Variants in RIT2 observed in about 807,000 individuals in gnomAD.
The protein encoded by RIT2 is GTP-binding protein Rit2.
RIT2 carries 24 observed loss-of-function variants against 23.7 expected under a neutral mutation model. The observed-to-expected ratio is 1.01, with a 90% CI of 0.73 to 1.43. The LOEUF (loss-of-function observed/expected upper bound fraction) is 1.43. RIT2 is among the 40% of genes most tolerant of loss of function. The pLI is 0.00. For synonymous variants in RIT2, 107 were observed against 91.1 expected, an observed-to-expected ratio of 1.17 and a Z score of -0.99; for missense variants, 236 against 266.9, an observed-to-expected ratio of 0.88 and a Z score of 0.81.
intron 1 of RIT2, among the ~76,000 whole-genome samples, chr18:43,084,785 G>A (rs1598776820): frequency 1.3e-5 from 2 of 152,224 alleles, no homozygotes; most frequent in African/African-American, 4.8e-5. Context: ...AATGCATGCA[G>A]GGCTTAAAAC....
intron 4 of RIT2, among the ~76,000 whole-genome samples, chr18:42,891,520 A>C (rs893599486): frequency 2.0e-5 from 3 of 152,168 alleles, no homozygotes; most frequent in Non-Finnish European, 4.4e-5. Flanking sequence ...GTAAATGCAT[A>C]AACAAACCAT....
chr18:42,906,563 T>C (rs184215986), intron 4 of RIT2, among the ~76,000 whole-genome samples: 2 of 152,272 alleles, frequency 1.3e-5, no homozygotes, highest in Admixed American at 6.5e-5. Flanking sequence ...GACACTCTGA[T>C]GATGCTTTTG....
chr18:43,036,226 T>G (rs1568062795), intron 1 of RIT2, among the ~76,000 whole-genome samples: 1 of 152,320 alleles, frequency 6.6e-6, no homozygotes, highest in South Asian at 2.1e-4. Flanking sequence ...AGTCAGGGAC[T>G]TACCTGTTAC....
chr18:42,786,042 G>A (rs754330751), intron 4 of RIT2, among the ~76,000 whole-genome samples: 3 of 152,130 alleles, frequency 2.0e-5, no homozygotes, highest in Non-Finnish European at 4.4e-5. Context: ...GAGTAGAACA[G>A]TAATTCACAG....
At chr18:43,024,211 C>A (rs908510268) in intron 2 of RIT2, among the ~76,000 whole-genome samples, 1 of 151,976 alleles carries the variant, frequency 6.6e-6, no homozygotes, top group Non-Finnish European at 1.5e-5. Flanking sequence ...AAAATAGACA[C>A]ATAGATCAAT....
At chr18:42,819,084 A>G (rs1906075689) in intron 4 of RIT2, among the ~76,000 whole-genome samples, 1 of 152,092 alleles carries the variant, frequency 6.6e-6, no homozygotes, top group Non-Finnish European at 1.5e-5. Context: ...AAATGAAGGC[A>G]GAGATGGTAA....
At chr18:42,986,385 T>C (rs1005638439) in intron 2 of RIT2, among the ~76,000 whole-genome samples, 4 of 151,976 alleles carry the variant, frequency 2.6e-5, no homozygotes, top group Non-Finnish European at 1.5e-5. Flanking sequence ...CAACCTCCAA[T>C]GAAGGGCAGG....
intron 4 of RIT2, among the ~76,000 whole-genome samples, chr18:42,837,388 C>T (rs752921075): frequency 1.3e-5 from 2 of 151,366 alleles, no homozygotes; most frequent in Admixed American, 6.6e-5. Context: ...AGGATGGTCT[C>T]GATCTCCTGA....
In RIT2 at chr18:42,743,859, G is replaced by T. The variant is rs146544279; in HGVS notation, c.427-139C>A. The T allele has an allele frequency of 2.8e-3, 1,776 of 628,328 alleles. 24 individuals carry two copies. In the African/African-American group the frequency reaches 0.029, roughly 10 times the overall value. 38.9% of individuals were successfully genotyped at this position (628,328 alleles called of 1,614,324 possible). A position where few individuals can be genotyped will look rare whatever the true frequency, so the allele number is the denominator to read the frequency against. On this transcript the variant is annotated intron_variant, in intron 4 of 4. Coordinates refer to ENST00000326695, the MANE Select transcript of RIT2 (RefSeq NM_002930.4). ...TATCCCCTGTGACTTGCAGGTATACGCCCAGATGGCCTGAAGTAACTGAAG... is the reference window on the plus strand; with the variant it reads ...TATCCCCTGTGACTTGCAGGTATACTCCCAGATGGCCTGAAGTAACTGAAG...
intron 4 of RIT2, among the ~76,000 whole-genome samples, chr18:42,806,891 G>C (rs993567634): frequency 2.6e-5 from 4 of 152,178 alleles, no homozygotes; most frequent in Admixed American, 6.5e-5. Flanking sequence ...AAATTCAGGA[G>C]AGTAAATTAT....
chr18:42,871,262 T>C (rs1476106564), intron 4 of RIT2, among the ~76,000 whole-genome samples: 1 of 152,212 alleles, frequency 6.6e-6, no homozygotes, highest in Non-Finnish European at 1.5e-5. Context: ...TCTGGTATGA[T>C]ATTATATCTC....
At chr18:43,032,364 T>C (rs1911875454) in intron 2 of RIT2, among the ~76,000 whole-genome samples, 3 of 152,034 alleles carry the variant, frequency 2.0e-5, no homozygotes, top group African/African-American at 7.2e-5. Context: ...GAGACACCAA[T>C]ACATACAAAG....
intron 4 of RIT2, among the ~76,000 whole-genome samples, chr18:42,807,056 A>G (rs550170738): frequency 6.6e-6 from 1 of 152,130 alleles, no homozygotes; most frequent in African/African-American, 2.4e-5. Context: ...AACTGTTCAT[A>G]TTTTCTTTCT....
Position 43,115,569 on chromosome 18 carries a change from A to G in RIT2, c.-50T>C, listed in dbSNP as rs780408143. 2 of 1,590,966 alleles carry G rather than the reference A, an allele frequency of 1.3e-6. No homozygotes were observed. The highest frequency in any genetic ancestry group is 1.1e-5 in the South Asian group (1 of 87,980). ...AAAGAAGGAGAAAGTCACCCGTGTCAGGTGCTTGCTCGAATATTAAGCAAC... is the reference window on the plus strand; with the variant it reads ...AAAGAAGGAGAAAGTCACCCGTGTCGGGTGCTTGCTCGAATATTAAGCAAC... On this transcript the variant is annotated 5_prime_UTR_variant, in exon 1 of 5. Transcript: ENST00000326695.
intron 4 of RIT2, among the ~76,000 whole-genome samples, chr18:42,920,042 C>T (rs1335469897): frequency 6.6e-6 from 1 of 152,068 alleles, no homozygotes; most frequent in African/African-American, 2.4e-5. Context: ...CATTTCCTTA[C>T]TTTTATTTTT....
chr18:42,841,526 A>G (rs768560257), intron 4 of RIT2, among the ~76,000 whole-genome samples: 2 of 152,138 alleles, frequency 1.3e-5, no homozygotes, highest in African/African-American at 2.4e-5. Flanking sequence ...TATCACCCAT[A>G]ATTTTTCATT....
rs185955264 is a variant in RIT2 at position 42,910,179 on chromosome 18, C to A, written c.426+13393G>T. Among the ~76,000 whole-genome samples, 1,262 of 152,146 alleles carry A rather than the reference C, an allele frequency of 8.3e-3. 5 individuals are homozygous for A. Among genetic ancestry groups the A allele is most frequent in the Admixed American group, 0.014 (214 of 15,254 alleles). On this transcript the variant is annotated intron_variant, in intron 4 of 4. Coordinates refer to ENST00000326695, the MANE Select transcript of RIT2 (RefSeq NM_002930.4). ...TTAGGCCAAGATACATACAGACAAA[C>A]AATGGCCAATTGAGAAAGAGAAAGC...
At chr18:42,778,288 A>G (rs1017284439) in intron 4 of RIT2, among the ~76,000 whole-genome samples, 1 of 152,212 alleles carries the variant, frequency 6.6e-6, no homozygotes, top group African/African-American at 2.4e-5. Flanking sequence ...AAAATGTGGC[A>G]GCTCCAGATG....
intron 1 of RIT2, among the ~76,000 whole-genome samples, chr18:43,067,951 G>T (rs774225261): frequency 3.9e-4 from 59 of 152,102 alleles, no homozygotes; most frequent in Admixed American, 8.5e-4. Flanking sequence ...TACTGAGAGA[G>T]AAAATAATTA....
Sources: gnomAD v4.1 joint callset for allele counts (sites outside exome capture counted in the v4.1 genomes callset) on GRCh38, gnomAD v4.1.1 for gene constraint, MANE v1.5 for transcripts, NCBI Gene and HGNC (gene_info 2026-07-23, HGNC 2026-07-21) for gene names.